The following CFAP52 variants were observed in gnomAD, a reference collection of about 807,000 sequenced individuals.
The protein encoded by CFAP52 is cilia and flagella associated protein 52.
A neutral mutation model predicts 70.5 loss-of-function variants in CFAP52; 57 were observed. The observed-to-expected ratio is 0.81, with a 90% CI of 0.65 to 1.01. The LOEUF is 1.01. CFAP52 is among the 50% of genes least tolerant of loss of function. The probability of loss-of-function intolerance (pLI) is 0.00; values close to 1 mark genes in which losing one functional copy is unlikely to be tolerated. For missense variants in CFAP52, 785 were observed against 788.5 expected (o/e 1.00, Z 0.05); for synonymous variants, 267 against 292.5 (o/e 0.91, Z 0.89).
intron 7 of CFAP52, chr17:9,610,289 A>G (rs989309141): frequency 1.3e-5 from 2 of 152,202 alleles, no homozygotes; most frequent in African/African-American, 4.8e-5. Context: ...CTTTGTTTTT[A>G]GTGTGTGTAC....
At chr17:9,638,011 G>A (rs938211005) in intron 11 of CFAP52, among the ~76,000 whole-genome samples, 1 of 152,206 alleles carries the variant, frequency 6.6e-6, no homozygotes, top group African/African-American at 2.4e-5. Flanking sequence ...TGCAGACAAG[G>A]GTTGAGCCTG....
intron 3 of CFAP52, among the ~76,000 whole-genome samples, chr17:9,588,350 G>A (rs996339265): frequency 6.6e-6 from 1 of 152,162 alleles, no homozygotes; most frequent in African/African-American, 2.4e-5. Flanking sequence ...GGGGGAGCCA[G>A]GACACAGCTC....
intron 1 of CFAP52, chr17:9,584,479 G>A (rs1449734165): frequency 3.6e-5 from 27 of 747,336 alleles, no homozygotes; most frequent in Non-Finnish European, 4.7e-5. Flanking sequence ...ATAACACAAT[G>A]TGTTGATAGA....
intron 2 of CFAP52, among the ~76,000 whole-genome samples, chr17:9,586,321 T>A (rs1286777206): frequency 6.6e-6 from 1 of 152,044 alleles, no homozygotes. Flanking sequence ...CCCAGCACTT[T>A]GGGAGGCCTA....
At chr17:9,645,455 G>C (rs951477507), downstream of CFAP52, 13 of 494,202 alleles carry the variant, frequency 2.6e-5, no homozygotes, top group African/African-American at 2.7e-4. The surrounding 1 kb of genome is among the most constrained non-coding windows in gnomAD (Gnocchi z 6.8). Flanking sequence ...TGGTCGTGCC[G>C]CCGGATTCCC....
intron 9 of CFAP52, among the ~76,000 whole-genome samples, chr17:9,632,110 C>T (rs113686931): frequency 0.016 from 2,373 of 151,120 alleles, 77 homozygotes; most frequent in African/African-American, 0.054. Context: ...CAGGGTCTTG[C>T]TCTGTTGCCC....
At chr17:9,584,297 A>C (rs1400367330) in intron 1 of CFAP52, 1 of 1,288,696 alleles carries the variant, frequency 7.8e-7, no homozygotes. Context: ...TTACCTTGGC[A>C]GATATTTGGA....
At chr17:9,589,407 C>T (rs1248666317) in intron 3 of CFAP52, among the ~76,000 whole-genome samples, 1 of 152,110 alleles carries the variant, frequency 6.6e-6, no homozygotes, top group East Asian at 1.9e-4. Flanking sequence ...GTCACCCCTT[C>T]CCTGGCTCAT....
In CFAP52 at chr17:9,636,249, A is replaced by G. The variant is rs535348912; in HGVS notation, c.1472+693A>G. Among the ~76,000 whole-genome samples the G allele has an allele frequency of 1.3e-4, 15 of 116,296 alleles. No individual in the cohort carries two copies. The South Asian group carries it at 2.9e-3, about 22-fold the overall frequency. The allele number at this position is 116,296 out of a possible 152,430, so 76.3% of individuals were successfully genotyped here. A position where few individuals can be genotyped will look rare whatever the true frequency, so the allele number is the denominator to read the frequency against. The stretch of plus-strand genomic sequence containing the variant: ...AAAGAAAGAAAGAAAGAAAGAAAGA[A>G]AGAGAAAGAAAAATAACTAATGCAG... On this transcript the variant is annotated intron_variant, in intron 11 of 13. Transcript: ENST00000352665.
Position 9,586,568 on chromosome 17 carries a change from CAAAAAAA to C in CFAP52, c.271-119_271-113del, listed in dbSNP as rs11296135. ...AAAAAAGAGTGAGACTCCGTCTCAA[CAAAAAAA>C]AAAAAAAAAAGAAAGAAAAAAGAAA... On this transcript the variant is annotated intron_variant, in intron 2 of 13. Transcript: ENST00000352665. The C allele has an allele frequency of 1.7e-4, 148 of 894,782 alleles. 1 individual carries two copies. In the African/African-American group the frequency reaches 2.6e-3, roughly 16 times the overall value. 55.4% of individuals were successfully genotyped at this position (894,782 alleles called of 1,614,324 possible). A position where few individuals can be genotyped will look rare whatever the true frequency, so the allele number is the denominator to read the frequency against.
At chr17:9,639,690 C>A (rs962923131) in intron 12 of CFAP52, among the ~76,000 whole-genome samples, 1 of 152,040 alleles carries the variant, frequency 6.6e-6, no homozygotes, top group Admixed American at 6.6e-5. Context: ...GGAGATAGAA[C>A]TGGTGACATG....
chr17:9,583,842 G>C (rs1908329098), intron 1 of CFAP52, among the ~76,000 whole-genome samples: 1 of 152,168 alleles, frequency 6.6e-6, no homozygotes, highest in South Asian at 2.1e-4. Context: ...GATGGTTCTT[G>C]GTATAACCAA....
At chr17:9,585,703 T>G in intron 1 of CFAP52, 70 bp from the exon 2 acceptor site, 1 of 1,465,458 alleles carries the variant, frequency 6.8e-7, no homozygotes, top group South Asian at 1.2e-5. Flanking sequence ...TGTTGTGTTT[T>G]GTACTCAAGT....
At chr17:9,644,928 A>G (rs1445812696), downstream of CFAP52, 1 of 152,180 alleles carries the variant, frequency 6.6e-6, no homozygotes, top group Non-Finnish European at 1.5e-5. Context: ...TTCTAACCCA[A>G]TCTGTGGTGT....
At position 9,597,010 on chromosome 17, in the gene CFAP52, G is replaced by C. The variant is rs66835682; in HGVS notation, c.537-1224G>C. Among the ~76,000 whole-genome samples, 7 of 151,932 alleles carry C rather than the reference G, an allele frequency of 4.6e-5. 1 individual carries two copies. In the South Asian group the frequency reaches 1.3e-3, roughly 27 times the overall value. The stretch of plus-strand genomic sequence containing the variant: ...TGGGATTACTGGTGTGAGCCACTGC[G>C]CCTGGCCCTCCTCCTCCTGTTGAAC... On this transcript the variant is annotated intron_variant, in intron 4 of 13. Transcript: ENST00000352665.
Position 9,626,995 on chromosome 17 carries a change from T to C in CFAP52, c.1026-1677T>C, listed in dbSNP as rs113881919. On this transcript the variant is annotated intron_variant, in intron 8 of 13. Transcript: ENST00000352665. ...TCCACAGAGACAAGCTAGAAATTTA[T>C]ACTTATGAACCAAATGGTCTTTATT... 2.7e-3 allele frequency among the ~76,000 whole-genome samples: 411 copies of C among 152,332 alleles called. 1 individual carries two copies. The highest frequency in any genetic ancestry group is 9.5e-3 in the African/African-American group (396 of 41,584).
At chr17:9,641,655 T>G in intron 12 of CFAP52, 69 bp from the exon 13 acceptor site, 2 of 1,142,998 alleles carry the variant, frequency 1.7e-6, no homozygotes, top group Non-Finnish European at 1.3e-6. Context: ...AGAGCCATCT[T>G]TTGTTAGCAT....
At chr17:9,580,688 CAAA>C (rs34077753) in intron 1 of CFAP52, among the ~76,000 whole-genome samples, 35 of 123,212 alleles carry the variant, frequency 2.8e-4, no homozygotes, top group East Asian at 1.1e-3. Context: ...GACCTGGTCT[CAAA>C]AAAAAAAAAA....
At chr17:9,637,673 CA>C (rs909838555) in intron 11 of CFAP52, among the ~76,000 whole-genome samples, 2 of 152,226 alleles carry the variant, frequency 1.3e-5, no homozygotes, top group African/African-American at 4.8e-5. Context: ...CTCCCGGGTT[CA>C]AGTGCTTCTC....
Sources: allele counts gnomAD v4.1 joint callset (sites outside exome capture counted in the v4.1 genomes callset), GRCh38; gene constraint gnomAD v4.1.1; non-coding constraint Gnocchi (gnomAD v3.1); transcripts MANE v1.5; gene names NCBI Gene and HGNC (gene_info 2026-07-23, HGNC 2026-07-21).